The following NRP1 variants were observed in gnomAD, a reference collection of about 807,000 sequenced individuals.
NRP1 encodes the protein neuropilin 1, also known as neuropilin-1.
A neutral mutation model predicts 106.7 loss-of-function variants in NRP1; 35 were observed. The ratio of observed to expected loss-of-function variants is 0.33; its 90% CI spans 0.25 to 0.43. The LOEUF is 0.43. Among genes scored for constraint, NRP1 ranks in the 20% least tolerant of loss-of-function variants. The pLI, the probability that NRP1 is intolerant of heterozygous loss-of-function variation, is 1.00. For synonymous variants in NRP1, 437 were observed against 417.9 expected (o/e 1.05, Z -0.56); for missense variants, 1,024 against 1,170.4 (o/e 0.87, Z 1.83).
chr10:33,308,766 G>A (rs1425639831), intron 2 of NRP1, among the ~76,000 whole-genome samples: 2 of 152,056 alleles, frequency 1.3e-5, no homozygotes, highest in African/African-American at 4.8e-5. Context: ...TGGGATTACA[G>A]GTGTGAGCCA....
intron 2 of NRP1, among the ~76,000 whole-genome samples, chr10:33,329,705 T>C (rs963894667): frequency 6.6e-6 from 1 of 152,194 alleles, no homozygotes; most frequent in African/African-American, 2.4e-5. Flanking sequence ...ACTATTTATA[T>C]ATGTACAAAC....
Position 33,226,200 on chromosome 10 carries a change from A to G in NRP1, c.1071T>C (p.Thr357=). Residue 357 remains threonine, a synonymous_variant, in exon 7 of 17, where the codon ACT becomes ACC. Transcript: ENST00000374867. Reference sequence around the variant, plus strand: ...CGTTGGAGCTAACGTCGATCTTGTAAGTCTTGACATAATATTTCTTCTTGG... The same window carrying G: ...CGTTGGAGCTAACGTCGATCTTGTAGGTCTTGACATAATATTTCTTCTTGG... The part of the protein sequence containing the change: ...KETKKKYYVK[T]YKIDVSSNGE... 6.2e-7 allele frequency: 1 copy of G among 1,614,180 alleles called. No homozygotes were observed.
chr10:33,182,780 T>G, intron 15 of NRP1, 32 bp from the exon 16 acceptor site: 1 of 1,539,278 alleles, frequency 6.5e-7, no homozygotes, highest in Non-Finnish European at 9.0e-7. Context: ...AAAGAGATAT[T>G]TGAACTGCCA....
At chr10:33,216,760 C>A (rs947596476) in intron 8 of NRP1, among the ~76,000 whole-genome samples, 2 of 152,088 alleles carry the variant, frequency 1.3e-5, no homozygotes, top group African/African-American at 4.8e-5. Context: ...CTGATGAGCA[C>A]ATTTAGTTCT....
At chr10:33,191,977 CAAAAAAAAA>C (rs58214479) in intron 13 of NRP1, among the ~76,000 whole-genome samples, 1 of 71,744 alleles carries the variant, frequency 1.4e-5, no homozygotes, top group African/African-American at 4.0e-5. Flanking sequence ...GACTCCATTT[CAAAAAAAAA>C]AAAAAAAAAA....
chr10:33,212,866 T>G (rs1037501387), intron 9 of NRP1: 1 of 200,476 alleles, frequency 5.0e-6, no homozygotes, highest in African/African-American at 2.3e-5. Context: ...AGATGGGGTT[T>G]CACCGTGCTG....
chr10:33,275,744 ATTTT>A (rs35978638), intron 2 of NRP1, among the ~76,000 whole-genome samples: 7 of 149,346 alleles, frequency 4.7e-5, no homozygotes, highest in Middle Eastern at 3.4e-3. Context: ...CTTCTCTACA[ATTTT>A]TTTTTTTTTT....
chr10:33,300,726 A>C (rs951504402), intron 2 of NRP1, among the ~76,000 whole-genome samples: 5 of 152,180 alleles, frequency 3.3e-5, no homozygotes, highest in Non-Finnish European at 5.9e-5. Context: ...AACTCAAAAG[A>C]ATGCAACCAT....
intron 11 of NRP1, chr10:33,202,039 A>G (rs1270996990): frequency 1.3e-5 from 2 of 152,186 alleles, no homozygotes; most frequent in South Asian, 2.1e-4. Flanking sequence ...CTTCTGGGTA[A>G]AAATGCAGAC....
Position 33,270,812 on chromosome 10 carries a change from T to G in NRP1, c.293A>C (p.His98Pro), listed in dbSNP as rs1016982339. 5 of 1,613,462 alleles carry G rather than the reference T, an allele frequency of 3.1e-6. No individual in the cohort carries two copies. The highest frequency in any genetic ancestry group is 4.2e-6 in the Non-Finnish European group (5 of 1,179,734). The change falls in exon 3 of 17, where the codon CAT becomes CCT. Residue 98 changes from histidine to proline, a missense_variant. By Grantham distance (77) the His-to-Pro change is moderately conservative. This residue lies in a region of NRP1 where 279 missense variants were observed against 327.4 expected (regional missense o/e 0.85). Transcript: ENST00000374867. ...EVFDGENENG[H>P]FRGKFCGKIA... ...CTTTCCACAGAACTTTCCCCTAAAA[T>G]GTCCATTTTCATTTTCTCCATCGAA...
At chr10:33,228,388 A>AAAAAT (rs1839844637) in intron 6 of NRP1, among the ~76,000 whole-genome samples, 1 of 152,186 alleles carries the variant, frequency 6.6e-6, no homozygotes, top group South Asian at 2.1e-4. Flanking sequence ...AAAATAAAAT[A>AAAAAT]AAAATAAAAT....
intron 16 of NRP1, among the ~76,000 whole-genome samples, chr10:33,181,822 G>A (rs1046061322): frequency 4.6e-5 from 7 of 152,188 alleles, no homozygotes; most frequent in African/African-American, 1.4e-4. Context: ...TATGTAGGAC[G>A]GGTGCAGTGG....
chr10:33,278,970 A>G (rs1037155505), intron 2 of NRP1, among the ~76,000 whole-genome samples: 1 of 152,228 alleles, frequency 6.6e-6, no homozygotes, highest in Admixed American at 6.5e-5. Context: ...AAAAAACAAA[A>G]TATCAAAGAA....
At chr10:33,313,225 T>G (rs1039799786) in intron 2 of NRP1, among the ~76,000 whole-genome samples, 4 of 152,312 alleles carry the variant, frequency 2.6e-5, no homozygotes, top group African/African-American at 7.2e-5. Flanking sequence ...GGTTGAAAAC[T>G]GACATAAAAC....
At chr10:33,223,436 C>T (rs1337168170) in intron 7 of NRP1, among the ~76,000 whole-genome samples, 1 of 149,276 alleles carries the variant, frequency 6.7e-6, no homozygotes, top group Non-Finnish European at 1.5e-5. Context: ...GCCTGGGCAA[C>T]ATAGTGAGAC....
At chr10:33,281,315 G>A (rs1226022871) in intron 2 of NRP1, among the ~76,000 whole-genome samples, 1 of 152,134 alleles carries the variant, frequency 6.6e-6, no homozygotes, top group Non-Finnish European at 1.5e-5. Context: ...CTCCCAAAGT[G>A]CTGAGATTAC....
chr10:33,310,706 C>T (rs1486057222), intron 2 of NRP1, among the ~76,000 whole-genome samples: 2 of 152,156 alleles, frequency 1.3e-5, no homozygotes, highest in African/African-American at 4.8e-5. Flanking sequence ...ACCTTTCTTT[C>T]TAATTTTACT....
chr10:33,199,741 G>A (rs1356272036), intron 11 of NRP1, among the ~76,000 whole-genome samples: 2 of 152,088 alleles, frequency 1.3e-5, no homozygotes, highest in African/African-American at 4.8e-5. Flanking sequence ...AATGGGGTGG[G>A]CCCATGCCTA....
intron 4 of NRP1, among the ~76,000 whole-genome samples, chr10:33,263,388 T>A (rs1842702987): frequency 6.6e-6 from 1 of 152,198 alleles, no homozygotes; most frequent in Non-Finnish European, 1.5e-5. Flanking sequence ...ATCACAAAAA[T>A]AGCTAAAAGA....
Sources: gnomAD v4.1 joint callset for allele counts (sites outside exome capture counted in the v4.1 genomes callset) on GRCh38, gnomAD v4.1.1 for gene constraint, gnomAD v4.1.1 regional missense constraint, MANE v1.5 for transcripts, NCBI Gene and HGNC (gene_info 2026-07-23, HGNC 2026-07-21) for gene names.